The following POC1B variants were observed in gnomAD, a reference collection of about 807,000 sequenced individuals.
The protein encoded by POC1B is POC1 centriolar protein homolog B.
Under a neutral mutation model 60.6 loss-of-function variants are expected in POC1B, and 44 were observed. The ratio of observed to expected loss-of-function variants is 0.73; its 90% CI spans 0.57 to 0.93. POC1B has a LOEUF of 0.93. POC1B is among the 40% of genes least tolerant of loss of function. The pLI, the probability that POC1B is intolerant of heterozygous loss-of-function variation, is 0.00. For missense variants in POC1B, 555 were observed against 572.3 expected, an observed-to-expected ratio of 0.97 and a Z score of 0.31; for synonymous variants, 180 against 198.9, an observed-to-expected ratio of 0.90 and a Z score of 0.80.
chr12:89,502,318 G>A, intron 2 of POC1B: 1 of 1,611,194 alleles, frequency 6.2e-7, no homozygotes, highest in Non-Finnish European at 8.5e-7. Context: ...CACACCAAAT[G>A]TTCGCAGGAC....
chr12:89,479,034 T>G (rs1400486581), intron 4 of POC1B, among the ~76,000 whole-genome samples: 1 of 152,218 alleles, frequency 6.6e-6, no homozygotes, highest in Non-Finnish European at 1.5e-5. Flanking sequence ...CCTACATACA[T>G]GTATTTCAAA....
chr12:89,498,823 C>T (rs991353087), intron 2 of POC1B, among the ~76,000 whole-genome samples: 3 of 151,888 alleles, frequency 2.0e-5, no homozygotes, highest in Admixed American at 6.6e-5. Flanking sequence ...ATGCTGCAAA[C>T]GAGATAAACA....
At chr12:89,495,564 A>T (rs1232314342) in intron 3 of POC1B, among the ~76,000 whole-genome samples, 1 of 152,172 alleles carries the variant, frequency 6.6e-6, no homozygotes, top group Non-Finnish European at 1.5e-5. Context: ...ACTACAAGTC[A>T]AATCCTGCCA....
At chr12:89,522,656 A>T in intron 2 of POC1B, 1 of 843,704 alleles carries the variant, frequency 1.2e-6, no homozygotes, top group Non-Finnish European at 1.7e-6. Flanking sequence ...ACCCAGTTTC[A>T]GTGTGATATA....
At chr12:89,405,744 C>T in the POC1B span, among the ~76,000 whole-genome samples, 3 of 151,776 alleles carry the variant, frequency 2.0e-5, no homozygotes, top group African/African-American at 7.3e-5. Context: ...GGCTTGAGTC[C>T]AGGAGTTTGA....
chr12:89,511,975 A>G (rs1029483968), intron 2 of POC1B, among the ~76,000 whole-genome samples: 108 of 152,294 alleles, frequency 7.1e-4, no homozygotes, highest in African/African-American at 2.4e-3. Flanking sequence ...AATCACTAGA[A>G]TCCAGGAGAT....
intron 11 of POC1B, among the ~76,000 whole-genome samples, chr12:89,422,060 T>C (rs903042190): frequency 3.3e-5 from 5 of 152,150 alleles, no homozygotes; most frequent in African/African-American, 1.2e-4. Context: ...TAAAAAAACT[T>C]ATTATAAAAT....
In POC1B at chr12:89,472,248, C is replaced by A. The variant is rs1565739690; in HGVS notation, c.480G>T (p.Val160=). 1 of 1,604,708 alleles carries A rather than the reference C, an allele frequency of 6.2e-7. No individual in the cohort carries two copies. Among genetic ancestry groups the A allele is most frequent in the Middle Eastern group, 1.7e-4 (1 of 6,056 alleles). Residue 160 remains valine, a synonymous_variant, in exon 5 of 12, where the codon GTG becomes GTT. Coordinates refer to ENST00000313546, the MANE Select transcript of POC1B (RefSeq NM_172240.3). ...AKFSPDGRLI[V]SCSEDKTIKI... Reference sequence around the variant, plus strand: ...TAATAGTTTTATCCTCACTACATGACACAATTAGTCTTCCATCGGGTGAAA... The same window carrying A: ...TAATAGTTTTATCCTCACTACATGAAACAATTAGTCTTCCATCGGGTGAAA...
chr12:89,402,280 T>C, the POC1B span, among the ~76,000 whole-genome samples: 1 of 152,140 alleles, frequency 6.6e-6, no homozygotes, highest in Non-Finnish European at 1.5e-5. Flanking sequence ...GCCCTGTGAT[T>C]AGATTACTGC....
At chr12:89,496,304 T>C (rs1231442336) in intron 3 of POC1B, among the ~76,000 whole-genome samples, 1 of 152,136 alleles carries the variant, frequency 6.6e-6, no homozygotes, top group African/African-American at 2.4e-5. Context: ...TCTGGCCTGG[T>C]TCCTAACAGG....
chr12:89,435,670 A>C (rs115803029), intron 10 of POC1B, among the ~76,000 whole-genome samples: 4,069 of 152,300 alleles, frequency 0.027, 202 homozygotes, highest in African/African-American at 0.094. Flanking sequence ...AAGCAAAGAT[A>C]ATAAAAACAA....
chr12:89,426,577 C>A (rs1178826061), intron 10 of POC1B: 3 of 151,972 alleles, frequency 2.0e-5, no homozygotes, highest in African/African-American at 7.2e-5. Context: ...CCTGTAATCC[C>A]AGCACTTTGG....
chr12:89,462,960 G>A (rs187388420), intron 9 of POC1B, among the ~76,000 whole-genome samples: 1 of 152,276 alleles, frequency 6.6e-6, no homozygotes, highest in Non-Finnish European at 1.5e-5. Context: ...ATACAAAATG[G>A]ATAGACAAGT....
chr12:89,522,224 A>T (rs887108071), intron 2 of POC1B: 33 of 398,404 alleles, frequency 8.3e-5, no homozygotes, highest in Non-Finnish European at 1.4e-4. Context: ...AGGCCTCCAA[A>T]CTCACACTCA....
At chr12:89,499,378 T>A (rs1281374332) in intron 2 of POC1B, among the ~76,000 whole-genome samples, 1 of 152,028 alleles carries the variant, frequency 6.6e-6, no homozygotes, top group African/African-American at 2.4e-5. Flanking sequence ...GGGGAAAGGT[T>A]TGAAAAACTA....
At chr12:89,500,912 A>G (rs1272207134) in intron 2 of POC1B, 5 of 1,013,652 alleles carry the variant, frequency 4.9e-6, no homozygotes, top group Non-Finnish European at 5.9e-6. Flanking sequence ...TAGAAACAGT[A>G]AAACGAAAAA....
chr12:89,513,362 G>C (rs762400194), intron 2 of POC1B, among the ~76,000 whole-genome samples: 1 of 151,552 alleles, frequency 6.6e-6, no homozygotes, highest in Non-Finnish European at 1.5e-5. Flanking sequence ...AAAAAGGAAA[G>C]ATTAACTTGT....
intron 10 of POC1B, among the ~76,000 whole-genome samples, chr12:89,432,474 T>A (rs1881077564): frequency 6.6e-6 from 1 of 150,444 alleles, no homozygotes; most frequent in Non-Finnish European, 1.5e-5. Flanking sequence ...TTTTCATAGA[T>A]TCTGGGGATG....
In POC1B at chr12:89,525,997, C is replaced by G. The variant is rs1458392514; in HGVS notation, c.-102G>C. On this transcript the variant is annotated 5_prime_UTR_variant, in exon 1 of 12. Transcript: ENST00000313546. ...GGGACCGTGCGGCTCCCGGAACCGT[C>G]TGCCCAGAGCGGCAGCGCCTCCCGG... 3 of 1,542,568 alleles carry G rather than the reference C, an allele frequency of 1.9e-6. No individual in the cohort carries two copies. The South Asian group carries it at 3.6e-5, about 18-fold the overall frequency.
Sources: allele counts gnomAD v4.1 joint callset (sites outside exome capture counted in the v4.1 genomes callset), GRCh38; gene constraint gnomAD v4.1.1; transcripts MANE v1.5; gene names NCBI Gene and HGNC (gene_info 2026-07-23, HGNC 2026-07-21).